NEK6: variants seen among roughly 807,000 people sequenced by gnomAD.
The protein encoded by NEK6 is serine/threonine-protein kinase Nek6.
Under a neutral mutation model 43.5 loss-of-function variants are expected in NEK6, and 27 were observed. The observed-to-expected ratio is 0.62, with a 90% CI of 0.46 to 0.86. NEK6 has a LOEUF of 0.86. NEK6 is among the 40% of genes least tolerant of loss of function. The probability of loss-of-function intolerance (pLI) is 0.00; values close to 1 mark genes in which losing one functional copy is unlikely to be tolerated. For synonymous variants in NEK6, 167 were observed against 164.1 expected (o/e 1.02, Z -0.14); for missense variants, 318 against 414.4 (o/e 0.77, Z 2.02).
At chr9:124,289,744 C>T (rs781526848) in intron 1 of NEK6, among the ~76,000 whole-genome samples, 5 of 152,196 alleles carry the variant, frequency 3.3e-5, no homozygotes, top group Non-Finnish European at 7.3e-5. Context: ...CAGTGAATCA[C>T]AGATCCTTTG....
At chr9:124,305,282 C>T (rs1233273193) in intron 2 of NEK6, among the ~76,000 whole-genome samples, 7 of 152,282 alleles carry the variant, frequency 4.6e-5, no homozygotes, top group African/African-American at 7.2e-5. Context: ...GGGCCGGGCA[C>T]GGTGGCTCAC....
intron 7 of NEK6, among the ~76,000 whole-genome samples, chr9:124,335,658 A>T (rs1829253880): frequency 6.6e-6 from 1 of 152,264 alleles, no homozygotes; most frequent in South Asian, 2.1e-4. Flanking sequence ...GCGGACGCCC[A>T]CAAGGCACCC....
At chr9:124,336,775 G>A (rs1045345811) in intron 7 of NEK6, among the ~76,000 whole-genome samples, 19 of 152,250 alleles carry the variant, frequency 1.2e-4, no homozygotes, top group Admixed American at 5.2e-4. Context: ...TTGGGAGGCC[G>A]AGGCAGACGG....
At chr9:124,320,241 A>T (rs192192864) in intron 4 of NEK6, among the ~76,000 whole-genome samples, 27 of 152,266 alleles carry the variant, frequency 1.8e-4, no homozygotes, top group Admixed American at 9.8e-4. Context: ...GCAGACAGGG[A>T]TCAGTCTCTG....
rs1247687645 is a variant in NEK6 at position 124,352,110 on chromosome 9, T to G, written c.*1163T>G. The G allele has an allele frequency of 6.6e-6, 1 of 152,660 alleles. No homozygotes were observed. The highest frequency in any genetic ancestry group is 1.9e-4 in the East Asian group (1 of 5,198). 9.5% of individuals were successfully genotyped at this position (152,660 alleles called of 1,614,324 possible). ...AAACTCCACCTCTGAAGGAAATCAT[T>G]TGAATTTTGTTTTTGTACGTAAAGT... On this transcript the variant is annotated 3_prime_UTR_variant, in exon 10 of 10. Coordinates refer to ENST00000320246, the MANE Select transcript of NEK6 (RefSeq NM_014397.6).
intron 1 of NEK6, among the ~76,000 whole-genome samples, chr9:124,273,008 C>G (rs1831511082): frequency 6.6e-6 from 1 of 152,170 alleles, no homozygotes; most frequent in South Asian, 2.1e-4. Flanking sequence ...TGTGTCAGGG[C>G]TGTGCTGGGT....
intron 1 of NEK6, among the ~76,000 whole-genome samples, chr9:124,295,585 C>T (rs1832647484): frequency 6.6e-6 from 1 of 152,218 alleles, no homozygotes; most frequent in East Asian, 1.9e-4. Flanking sequence ...TGACCTGGCA[C>T]CCGTCACTCA....
intron 1 of NEK6, among the ~76,000 whole-genome samples, chr9:124,295,017 C>T (rs1301406681): frequency 6.6e-6 from 1 of 152,174 alleles, no homozygotes. Flanking sequence ...CCGGAGGCTA[C>T]AGCAGCCCTG....
chr9:124,259,658 G>A (rs1185889650), intron 1 of NEK6, among the ~76,000 whole-genome samples: 1 of 152,154 alleles, frequency 6.6e-6, no homozygotes, highest in Non-Finnish European at 1.5e-5. Flanking sequence ...CCTGTGGGGA[G>A]CCGTGGAATG....
chr9:124,302,792 G>A (rs746729411), intron 2 of NEK6, among the ~76,000 whole-genome samples: 45 of 152,360 alleles, frequency 3.0e-4, no homozygotes, highest in Middle Eastern at 3.4e-3. Context: ...GGTGATGCCC[G>A]TGATCACATC....
At chr9:124,261,490 G>GT in intron 1 of NEK6, 1 of 985,488 alleles carries the variant, frequency 1.0e-6, no homozygotes. Context: ...CTGGGACACT[G>GT]TTCGCAGGAA....
chr9:124,343,963 TC>T lies in NEK6; in HGVS notation c.718-3744del, dbSNP rs758730632. Among the ~76,000 whole-genome samples the T allele has an allele frequency of 9.2e-5, 14 of 152,188 alleles. No individual in the cohort carries two copies. Among genetic ancestry groups the T allele is most frequent in the Non-Finnish European group, 1.8e-4 (12 of 68,022 alleles). The stretch of plus-strand genomic sequence containing the variant: ...TCTCGAGGATTCTGGAGGCCAGATG[TC>T]CAAAATCAGTCTCGCTGGGCTAAGT... On this transcript the variant is annotated intron_variant, in intron 8 of 9. Coordinates refer to ENST00000320246, the MANE Select transcript of NEK6 (RefSeq NM_014397.6). The surrounding 1 kb of genome is among the most constrained non-coding windows in gnomAD (Gnocchi z 5.1).
At chr9:124,280,803 C>G (rs958201299) in intron 1 of NEK6, among the ~76,000 whole-genome samples, 1 of 151,934 alleles carries the variant, frequency 6.6e-6, no homozygotes, top group Non-Finnish European at 1.5e-5. Flanking sequence ...TCATTTTTTT[C>G]TTTTTTTGAG....
intron 1 of NEK6, among the ~76,000 whole-genome samples, chr9:124,297,846 T>C (rs1832768119): frequency 6.6e-6 from 1 of 152,216 alleles, no homozygotes; most frequent in Non-Finnish European, 1.5e-5. Context: ...TGGCTCGTCC[T>C]TCCACGTCCC....
intron 2 of NEK6, among the ~76,000 whole-genome samples, chr9:124,310,379 A>C (rs1308144849): frequency 6.6e-6 from 1 of 152,236 alleles, no homozygotes; most frequent in Non-Finnish European, 1.5e-5. Flanking sequence ...TTTACCCGAC[A>C]GACATTGGCA....
At position 124,292,746 on chromosome 9, in the gene NEK6, G is replaced by A. The variant is rs1051107059; in HGVS notation, c.-29-9190G>A. ...CTCCCTCCTGGCCTCAGGTGTTTCTGTACTGAGTCAGCAACCAGTTACCCA... is the reference window on the plus strand; with the variant it reads ...CTCCCTCCTGGCCTCAGGTGTTTCTATACTGAGTCAGCAACCAGTTACCCA... On this transcript the variant is annotated intron_variant, in intron 1 of 9. Coordinates refer to ENST00000320246, the MANE Select transcript of NEK6 (RefSeq NM_014397.6). The A allele has an allele frequency of 1.6e-5, 19 of 1,199,272 alleles. No homozygotes were observed. In the Admixed American group the frequency reaches 3.4e-4, roughly 22 times the overall value. The allele number at this position is 1,199,272 out of a possible 1,614,324, so 74.3% of individuals were successfully genotyped here.
intron 7 of NEK6, among the ~76,000 whole-genome samples, chr9:124,336,054 C>T (rs144261367): frequency 1.7e-4 from 26 of 152,222 alleles, no homozygotes; most frequent in East Asian, 3.9e-4. Flanking sequence ...GCCTGGCCAA[C>T]GTGGTAAAAC....
intron 1 of NEK6, 118 bp from the exon 2 acceptor site, chr9:124,301,818 A>G: frequency 8.5e-6 from 7 of 823,750 alleles, no homozygotes; most frequent in African/African-American, 1.7e-5. Context: ...ACCGTGGGCA[A>G]ATTACTGAAC....
chr9:124,331,847 C>T (rs1018572568), intron 7 of NEK6, among the ~76,000 whole-genome samples: 3 of 152,234 alleles, frequency 2.0e-5, no homozygotes, highest in Admixed American at 2.0e-4. Context: ...GCAGATGCAT[C>T]CCAGGCCGCC....
Sources: gnomAD v4.1 joint callset for allele counts (sites outside exome capture counted in the v4.1 genomes callset) on GRCh38, gnomAD v4.1.1 for gene constraint, Gnocchi (gnomAD v3.1) non-coding constraint, MANE v1.5 for transcripts, NCBI Gene and HGNC (gene_info 2026-07-23, HGNC 2026-07-21) for gene names.